RAP1GDS1: variants seen among roughly 807,000 people sequenced by gnomAD.
RAP1GDS1 encodes RAP1, GTP-GDP dissociation stimulator 1.
RAP1GDS1 carries 35 observed loss-of-function variants against 71.1 expected under a neutral mutation model. The observed-to-expected ratio is 0.49, with a 90% CI of 0.38 to 0.65. The LOEUF (loss-of-function observed/expected upper bound fraction) is 0.65, where lower values mean the gene tolerates loss of function less well. RAP1GDS1 is among the 30% of genes least tolerant of loss of function. The pLI is 0.00. For missense variants in RAP1GDS1, 663 were observed against 706.1 expected, an observed-to-expected ratio of 0.94 and a Z score of 0.69; for synonymous variants, 229 against 243.1, an observed-to-expected ratio of 0.94 and a Z score of 0.54.
intron 7 of RAP1GDS1, among the ~76,000 whole-genome samples, chr4:98,408,800 C>T (rs571382944): frequency 6.6e-6 from 1 of 152,212 alleles, no homozygotes; most frequent in Non-Finnish European, 1.5e-5. Context: ...CCATGATCTT[C>T]TCAGATTTTA....
intron 6 of RAP1GDS1, among the ~76,000 whole-genome samples, chr4:98,395,345 G>A (rs1364783582): frequency 2.6e-5 from 4 of 152,134 alleles, no homozygotes; most frequent in Non-Finnish European, 5.9e-5. Context: ...AATTCTCAGT[G>A]ATTATGTTTG....
chr4:98,331,173 G>C (rs1733953738), intron 2 of RAP1GDS1, among the ~76,000 whole-genome samples: 1 of 152,234 alleles, frequency 6.6e-6, no homozygotes, highest in African/African-American at 2.4e-5. Flanking sequence ...GCATGTGCCT[G>C]CAATCCCAGG....
chr4:98,343,955 T>C (rs1735879215), intron 3 of RAP1GDS1, among the ~76,000 whole-genome samples: 1 of 152,182 alleles, frequency 6.6e-6, no homozygotes, highest in African/African-American at 2.4e-5. Context: ...TTTGCCTCAG[T>C]TTGTCAGTTT....
Position 98,442,163 on chromosome 4 carries a change from GT to G in RAP1GDS1, c.*47del. On this transcript the variant is annotated 3_prime_UTR_variant, in exon 15 of 15. Coordinates refer to ENST00000408927, the MANE Select transcript of RAP1GDS1 (RefSeq NM_001100427.2). ...TCATCCCATCTCTAATTTCCCCTCT[GT>G]CCTCCATCCAGCGGCTTCTTCCGCT... is the stretch of plus-strand genomic sequence containing the variant. The G allele has an allele frequency of 6.3e-7, 1 of 1,598,638 alleles. No homozygotes were observed. The highest frequency in any genetic ancestry group is 8.5e-7 in the Non-Finnish European group (1 of 1,174,436).
At chr4:98,435,738 TA>T (rs1207397733) in intron 13 of RAP1GDS1, among the ~76,000 whole-genome samples, 1 of 152,146 alleles carries the variant, frequency 6.6e-6, no homozygotes, top group Non-Finnish European at 1.5e-5. Context: ...TTATATATTC[TA>T]AAAATTTTGT....
intron 5 of RAP1GDS1, among the ~76,000 whole-genome samples, chr4:98,380,003 A>G (rs1291041269): frequency 6.6e-6 from 1 of 151,624 alleles, no homozygotes; most frequent in East Asian, 1.9e-4. Context: ...TGTTGTAGAA[A>G]CACGTGGCCC....
rs543946961 is a variant in RAP1GDS1 at position 98,371,688 on chromosome 4, G to A, written c.362-7329G>A. Among the ~76,000 whole-genome samples, 4 of 152,034 alleles carry A rather than the reference G, an allele frequency of 2.6e-5. No individual in the cohort carries two copies. The South Asian group carries it at 6.2e-4, about 24-fold the overall frequency. ...GATGAGATTTCACTGTGTTGGCCAG[G>A]CTGGTCTCAAACTCCCGCCTTGGCT... On this transcript the variant is annotated intron_variant, in intron 4 of 14. Coordinates refer to ENST00000408927, the MANE Select transcript of RAP1GDS1 (RefSeq NM_001100427.2).
chr4:98,304,514 A>C (rs985582188), intron 2 of RAP1GDS1, among the ~76,000 whole-genome samples: 2 of 152,062 alleles, frequency 1.3e-5, no homozygotes, highest in African/African-American at 4.8e-5. Context: ...GTATATGTTC[A>C]TGTCCTTTGC....
intron 11 of RAP1GDS1, 89 bp downstream of exon 11, chr4:98,420,233 G>T: frequency 1.6e-6 from 2 of 1,215,402 alleles, no homozygotes; most frequent in Non-Finnish European, 2.1e-6. Flanking sequence ...TTAGCTTTTA[G>T]GATTATGTAA....
At chr4:98,435,002 G>A (rs1020061689) in intron 13 of RAP1GDS1, among the ~76,000 whole-genome samples, 4 of 152,178 alleles carry the variant, frequency 2.6e-5, no homozygotes, top group African/African-American at 7.2e-5. Flanking sequence ...GCATAAGCTG[G>A]ATGGCTTTGG....
At chr4:98,430,809 G>C (rs1270381129) in intron 12 of RAP1GDS1, among the ~76,000 whole-genome samples, 1 of 152,190 alleles carries the variant, frequency 6.6e-6, no homozygotes, top group South Asian at 2.1e-4. Flanking sequence ...CTCTCTCCTT[G>C]TGTTGTTCTT....
intron 2 of RAP1GDS1, among the ~76,000 whole-genome samples, chr4:98,319,911 C>G (rs1731539482): frequency 6.6e-6 from 1 of 152,078 alleles, no homozygotes; most frequent in Non-Finnish European, 1.5e-5. Context: ...CTCTTCCATC[C>G]CTGCTACCTC....
chr4:98,281,832 T>C (rs1725153976), intron 1 of RAP1GDS1, among the ~76,000 whole-genome samples: 1 of 152,240 alleles, frequency 6.6e-6, no homozygotes, highest in Admixed American at 6.5e-5. Flanking sequence ...CTGTTGAATT[T>C]TGTCAATGGC....
chr4:98,319,852 C>T (rs190589347), intron 2 of RAP1GDS1, among the ~76,000 whole-genome samples: 2 of 150,516 alleles, frequency 1.3e-5, no homozygotes, highest in Non-Finnish European at 3.0e-5. Context: ...AGATTCTTTT[C>T]AATAAAAGTT....
At chr4:98,328,745 C>T (rs955375371) in intron 2 of RAP1GDS1, among the ~76,000 whole-genome samples, 10 of 152,108 alleles carry the variant, frequency 6.6e-5, no homozygotes, top group South Asian at 6.2e-4. Flanking sequence ...TGCACTGGTG[C>T]GATCTGAGCT....
intron 5 of RAP1GDS1, among the ~76,000 whole-genome samples, chr4:98,385,961 T>G (rs1742680903): frequency 1.3e-5 from 2 of 151,926 alleles, no homozygotes; most frequent in South Asian, 4.1e-4. Context: ...ACTGTAGATG[T>G]GGTCTTTATC....
intron 7 of RAP1GDS1, among the ~76,000 whole-genome samples, chr4:98,408,895 A>G (rs1309907607): frequency 1.3e-5 from 2 of 152,172 alleles, no homozygotes; most frequent in African/African-American, 4.8e-5. Flanking sequence ...TCAATCTGAA[A>G]AAGATATCTA....
intron 4 of RAP1GDS1, among the ~76,000 whole-genome samples, chr4:98,375,462 G>A (rs1161613406): frequency 6.6e-6 from 1 of 152,058 alleles, no homozygotes; most frequent in Non-Finnish European, 1.5e-5. Context: ...ATGATAAGTA[G>A]AAATGACATT....
chr4:98,335,550 GTTTTTT>G (rs33949671), intron 2 of RAP1GDS1, among the ~76,000 whole-genome samples: 3 of 148,680 alleles, frequency 2.0e-5, no homozygotes, highest in African/African-American at 7.4e-5. Context: ...ATATGAAAAA[GTTTTTT>G]TTTTATTTTA....
Sources: allele counts gnomAD v4.1 joint callset (sites outside exome capture counted in the v4.1 genomes callset), GRCh38; gene constraint gnomAD v4.1.1; transcripts MANE v1.5; gene names NCBI Gene and HGNC (gene_info 2026-07-23, HGNC 2026-07-21).